RRAS2: variants seen among roughly 807,000 people sequenced by gnomAD.
RRAS2 encodes the protein ras-related protein R-Ras2.
Under a neutral mutation model 27.6 loss-of-function variants are expected in RRAS2, and 7 were observed. The ratio of observed to expected loss-of-function variants is 0.25; its 90% CI spans 0.14 to 0.48. The LOEUF (loss-of-function observed/expected upper bound fraction) is 0.48, where lower values mean the gene tolerates loss of function less well. Ranked by LOEUF, RRAS2 falls within the 20% of genes least tolerant of loss-of-function variation. The pLI is 0.99. For synonymous variants in RRAS2, 86 were observed against 90.9 expected (o/e 0.95, Z 0.31); for missense variants, 178 against 256.2 (o/e 0.69, Z 2.08).
rs1229232864 is a variant in RRAS2, at chr11:14,358,641, T to C, written c.108+122A>G. 1.0e-6 allele frequency: 1 copy of C among 960,556 alleles called. No homozygotes were observed. Among genetic ancestry groups the C allele is most frequent in the Non-Finnish European group, 1.2e-6 (1 of 807,774 alleles). 59.5% of individuals were successfully genotyped at this position (960,556 alleles called of 1,614,324 possible). The stretch of plus-strand genomic sequence containing the variant: ...GTCGGCCCCGCGCCCTCCCGCCCCC[T>C]GGCCCCGGCCCGGGCCCGCGAGGCG... On this transcript the variant is annotated intron_variant, in intron 1 of 5. Coordinates refer to ENST00000256196, the MANE Select transcript of RRAS2 (RefSeq NM_012250.6). This position sits in a 1 kb window ranked among gnomAD's most constrained non-coding sequence, Gnocchi z 5.1.
At chr11:14,302,608 G>A (rs1473019721) in intron 1 of RRAS2, among the ~76,000 whole-genome samples, 1 of 152,170 alleles carries the variant, frequency 6.6e-6, no homozygotes, top group African/African-American at 2.4e-5. Flanking sequence ...AAGAGAAAAG[G>A]AAAAGCTTCC....
intron 1 of RRAS2, among the ~76,000 whole-genome samples, chr11:14,337,675 T>C (rs1298763177): frequency 1.3e-5 from 2 of 152,200 alleles, no homozygotes; most frequent in African/African-American, 4.8e-5. Flanking sequence ...TATCTCCTTA[T>C]TGGAAAAACA....
Position 14,278,257 on chromosome 11 carries a change from C to G in RRAS2, c.*1080G>C, listed in dbSNP as rs1453283281. The G allele has an allele frequency of 6.6e-6, 1 of 152,216 alleles. No individual in the cohort carries two copies. The highest frequency in any genetic ancestry group is 1.5e-5 in the Non-Finnish European group (1 of 68,040). The allele number at this position is 152,216 out of a possible 1,614,324, so 9.4% of individuals were successfully genotyped here. A position where few individuals can be genotyped will look rare whatever the true frequency, so the allele number is the denominator to read the frequency against. On this transcript the variant is annotated 3_prime_UTR_variant, in exon 6 of 6. Transcript: ENST00000256196. ...GAAGGTTTCTTGAGTAGTTATGTGA[C>G]TGGCCAAAGATGGGTACAACCAAGA... is the stretch of plus-strand genomic sequence containing the variant.
At chr11:14,299,107 C>T (rs1167609997) in intron 1 of RRAS2, among the ~76,000 whole-genome samples, 6 of 152,156 alleles carry the variant, frequency 3.9e-5, no homozygotes, top group Non-Finnish European at 5.9e-5. Flanking sequence ...TGAAATAATG[C>T]ATATGAAGTG....
At chr11:14,334,477 T>C (rs1848550124) in intron 1 of RRAS2, among the ~76,000 whole-genome samples, 1 of 152,044 alleles carries the variant, frequency 6.6e-6, no homozygotes, top group South Asian at 2.1e-4. Flanking sequence ...TATATCCATG[T>C]AACCTATTCA....
intron 5 of RRAS2, among the ~76,000 whole-genome samples, chr11:14,280,805 C>G (rs12792066): frequency 1.4e-5 from 2 of 147,462 alleles, no homozygotes; most frequent in African/African-American, 2.5e-5. Context: ...GCAGAGAATC[C>G]CAGATCTACA....
At position 14,301,430 on chromosome 11, in the gene RRAS2, TCTTTTCTCCCTTCCTC is replaced by T. The variant is rs1277484330; in HGVS notation, c.109-5591_109-5576del. ...GGTTTTTTTCTCTTTTCCCCCTCCC[TCTTTTCTCCCTTCCTC>T]CTTTTCTCTCAACACCACATATATC... On this transcript the variant is annotated intron_variant, in intron 1 of 5. Transcript: ENST00000256196. Among the ~76,000 whole-genome samples, 12 of 152,128 alleles carry T rather than the reference TCTTTTCTCCCTTCCTC, an allele frequency of 7.9e-5. No individual in the cohort carries two copies. The East Asian group carries it at 2.1e-3, about 27-fold the overall frequency.
At chr11:14,316,995 CT>C (rs1848122271) in intron 1 of RRAS2, among the ~76,000 whole-genome samples, 1 of 152,092 alleles carries the variant, frequency 6.6e-6, no homozygotes, top group African/African-American at 2.4e-5. Context: ...GAAAATGCAC[CT>C]AATTACAGAG....
At position 14,280,989 on chromosome 11, in the gene RRAS2, C is replaced by T. The variant is rs557464143; in HGVS notation, c.527+613G>A. On this transcript the variant is annotated intron_variant, in intron 5 of 5. Transcript: ENST00000256196. ...TTAACACTTTTTAAACCAAAAGGCC[C>T]CCTATGGCATCTAACAGAAAAATTC... Among the ~76,000 whole-genome samples the T allele has an allele frequency of 1.2e-4, 19 of 152,270 alleles. No individual in the cohort carries two copies. In the South Asian group the frequency reaches 3.9e-3, roughly 32 times the overall value.
intron 4 of RRAS2, among the ~76,000 whole-genome samples, chr11:14,282,061 AG>A (rs1338083071): frequency 6.6e-6 from 1 of 152,204 alleles, no homozygotes; most frequent in Non-Finnish European, 1.5e-5. Context: ...AGCTTCCCTG[AG>A]GAAGTGACAT....
intron 1 of RRAS2, among the ~76,000 whole-genome samples, chr11:14,332,592 T>A (rs1848501937): frequency 2.0e-5 from 3 of 151,992 alleles, no homozygotes; most frequent in African/African-American, 7.2e-5. Flanking sequence ...AGCAAAAACA[T>A]CCCAGACACA....
chr11:14,306,873 T>G (rs1554948135), intron 1 of RRAS2, among the ~76,000 whole-genome samples: 1 of 138,426 alleles, frequency 7.2e-6, no homozygotes, highest in Non-Finnish European at 1.5e-5. Flanking sequence ...AAGACCATCA[T>G]TATTTTATGT....
intron 1 of RRAS2, among the ~76,000 whole-genome samples, chr11:14,350,379 T>G (rs1848924277): frequency 6.6e-6 from 1 of 152,070 alleles, no homozygotes; most frequent in Non-Finnish European, 1.5e-5. Flanking sequence ...CCACAGCAGG[T>G]TGTTAAAAAG....
intron 1 of RRAS2, among the ~76,000 whole-genome samples, chr11:14,322,784 A>G (rs1591471270): frequency 1.3e-5 from 2 of 152,364 alleles, no homozygotes; most frequent in Admixed American, 1.3e-4. Context: ...TCCGGATTAA[A>G]TGTTAAAAAT....
chr11:14,293,787 C>T (rs74809434), intron 4 of RRAS2, among the ~76,000 whole-genome samples: 30 of 152,238 alleles, frequency 2.0e-4, no homozygotes, highest in Middle Eastern at 6.8e-3. Flanking sequence ...TGGACTAATA[C>T]AAATGAACAG....
chr11:14,322,997 C>G (rs1238947658), intron 1 of RRAS2, among the ~76,000 whole-genome samples: 5 of 152,128 alleles, frequency 3.3e-5, no homozygotes, highest in African/African-American at 1.2e-4. Flanking sequence ...TCTTCAAACA[C>G]TGCTAAGGAG....
intron 1 of RRAS2, among the ~76,000 whole-genome samples, chr11:14,336,560 G>T (rs781863527): frequency 6.6e-6 from 1 of 152,102 alleles, no homozygotes; most frequent in Non-Finnish European, 1.5e-5. Context: ...AAACAAATGG[G>T]AGCTTAAAAC....
rs1247768384 is a variant in RRAS2 at position 14,332,240 on chromosome 11, TCA to T, written c.108+26521_108+26522del. Among the ~76,000 whole-genome samples, 6 of 152,354 alleles carry T rather than the reference TCA, an allele frequency of 3.9e-5. No homozygotes were observed. The East Asian group carries it at 9.6e-4, about 24-fold the overall frequency. ...ACATCAATGTCTGGGGCAGCTTTATTCACAGTTAATGAACATTGGAAACAACC... is the reference window on the plus strand; with the variant it reads ...ACATCAATGTCTGGGGCAGCTTTATTCAGTTAATGAACATTGGAAACAACC... On this transcript the variant is annotated intron_variant, in intron 1 of 5. Coordinates refer to ENST00000256196, the MANE Select transcript of RRAS2 (RefSeq NM_012250.6).
At chr11:14,326,167 A>C (rs1848353036) in intron 1 of RRAS2, among the ~76,000 whole-genome samples, 1 of 152,222 alleles carries the variant, frequency 6.6e-6, no homozygotes, top group Non-Finnish European at 1.5e-5. Context: ...GTAGTAAAGA[A>C]GGCTTCCACA....
Sources: allele counts gnomAD v4.1 joint callset (sites outside exome capture counted in the v4.1 genomes callset), GRCh38; gene constraint gnomAD v4.1.1; non-coding constraint Gnocchi (gnomAD v3.1); transcripts MANE v1.5; gene names NCBI Gene and HGNC (gene_info 2026-07-23, HGNC 2026-07-21).